The following ANGEL2 variants were observed in gnomAD, a reference collection of about 807,000 sequenced individuals.
The protein encoded by ANGEL2 is RNA 2',3'-cyclic phosphatase ANGEL2.
ANGEL2 carries 41 observed loss-of-function variants against 66.0 expected under a neutral mutation model. The ratio of observed to expected loss-of-function variants is 0.62; its 90% CI spans 0.48 to 0.81. ANGEL2 has a LOEUF of 0.81. ANGEL2 is among the 30% of genes least tolerant of loss of function. The pLI, the probability that ANGEL2 is intolerant of heterozygous loss-of-function variation, is 0.00. For synonymous variants in ANGEL2, 208 were observed against 226.5 expected (o/e 0.92, Z 0.73); for missense variants, 561 against 641.6 (o/e 0.87, Z 1.36).
intron 5 of ANGEL2, 72 bp from the exon 6 acceptor site, chr1:213,000,984 T>G (rs2076163253): frequency 6.9e-7 from 1 of 1,457,742 alleles, no homozygotes; most frequent in Admixed American, 2.3e-5. Flanking sequence ...AATTTATGTC[T>G]TAAATAAAAG....
At chr1:212,996,638 AAAATATAT>A (rs2076023150) in intron 8 of ANGEL2, among the ~76,000 whole-genome samples, 1 of 53,160 alleles carries the variant, frequency 1.9e-5, no homozygotes, top group Admixed American at 3.1e-4. Context: ...AAAAAAAAAA[AAAATATAT>A]ATATATATAT....
intron 1 of ANGEL2, among the ~76,000 whole-genome samples, chr1:213,014,513 C>T (rs1434810640): frequency 6.6e-6 from 1 of 152,236 alleles, no homozygotes; most frequent in Non-Finnish European, 1.5e-5. Context: ...TGTGATAACT[C>T]TGAAAGCCAT....
chr1:213,007,287 C>A, intron 3 of ANGEL2, 89 bp from the exon 4 acceptor site: 1 of 1,050,186 alleles, frequency 9.5e-7, no homozygotes, highest in Non-Finnish European at 1.4e-6. Flanking sequence ...TAAAAGCAGG[C>A]TTCTAAAATT....
chr1:212,997,211 A>T lies in ANGEL2; in HGVS notation c.1427T>A (p.Ile476Lys). The change falls in exon 8 of 9, where the codon ATA becomes AAA. Residue 476 changes from isoleucine (I) to lysine (K), a missense_variant. Physicochemically the swap from Ile to Lys is moderately radical, Grantham distance 102. Transcript: ENST00000366962. ...AGAGTAGAAAATATAATCCACAGTT[A>T]TGGCACTTCGGGAATGACAGGTGGT... ...EVTTCHSRSA[I>K]TVDYIFYSAE... 1 of 1,614,076 alleles carries T rather than the reference A, an allele frequency of 6.2e-7. No individual in the cohort carries two copies. The highest frequency in any genetic ancestry group is 1.1e-5 in the South Asian group (1 of 91,080).
intron 5 of ANGEL2, chr1:213,001,894 G>A (rs985110706): frequency 6.4e-6 from 1 of 157,102 alleles, no homozygotes; most frequent in African/African-American, 2.4e-5. Flanking sequence ...TCCACTTCTA[G>A]TTCTCTTGCT....
At position 213,013,481 on chromosome 1, in the gene ANGEL2, T is replaced by A. The variant is rs1044640893; in HGVS notation, c.60-63A>T. ...TTGTTCAGCTATAGTTTACAAAATC[T>A]AAGCCTGTTTCCTCAAGGGAAGGTA... is the stretch of plus-strand genomic sequence containing the variant. On this transcript the variant is annotated intron_variant, in intron 1 of 8. Coordinates refer to ENST00000366962, the MANE Select transcript of ANGEL2 (RefSeq NM_144567.5). 16 of 1,421,450 alleles carry A rather than the reference T, an allele frequency of 1.1e-5. 1 individual carries two copies. Among genetic ancestry groups the A allele is most frequent in the Non-Finnish European group, 1.5e-5 (16 of 1,041,458 alleles). The allele number at this position is 1,421,450 out of a possible 1,614,324, so 88.1% of individuals were successfully genotyped here. A position where few individuals can be genotyped will look rare whatever the true frequency, so the allele number is the denominator to read the frequency against.
intron 2 of ANGEL2, among the ~76,000 whole-genome samples, chr1:213,012,584 T>C (rs1421443218): frequency 6.6e-6 from 1 of 152,232 alleles, no homozygotes; most frequent in East Asian, 1.9e-4. Flanking sequence ...TGGACCCAAT[T>C]TGAGATATAC....
chr1:213,007,494 A>G (rs566658157), intron 3 of ANGEL2, among the ~76,000 whole-genome samples: 83 of 152,310 alleles, frequency 5.4e-4, no homozygotes, highest in Admixed American at 1.4e-3. Flanking sequence ...CGGGTTTTAC[A>G]TGTTCATTGG....
intron 7 of ANGEL2, among the ~76,000 whole-genome samples, chr1:212,997,906 AG>A (rs200554047): frequency 1.8e-4 from 27 of 151,838 alleles, no homozygotes; most frequent in Admixed American, 1.5e-3. Context: ...AAATTAAAAA[AG>A]AAACTTATCC....
rs1296629845 is a variant in ANGEL2 at position 212,993,318 on chromosome 1, A to G, written c.*1723T>C. On this transcript the variant is annotated 3_prime_UTR_variant, in exon 9 of 9. Transcript: ENST00000366962. ...CGTGAGACACCATCTAAAAAATAAA[A>G]AAATAAAAACCCCCCAAAATGAGAA... The G allele has an allele frequency of 6.6e-6, 1 of 152,186 alleles. No homozygotes were observed. The highest frequency in any genetic ancestry group is 1.5e-5 in the Non-Finnish European group (1 of 68,026). 9.4% of individuals were successfully genotyped at this position (152,186 alleles called of 1,614,324 possible). A position where few individuals can be genotyped will look rare whatever the true frequency, so the allele number is the denominator to read the frequency against.
intron 2 of ANGEL2, among the ~76,000 whole-genome samples, chr1:213,010,894 CA>C (rs532549801): frequency 2.8e-3 from 425 of 152,164 alleles, no homozygotes; most frequent in Non-Finnish European, 4.4e-3. Context: ...TTTGCAATTC[CA>C]TTTTTTAAAC....
chr1:212,995,449 C>G (rs555430009), intron 8 of ANGEL2, among the ~76,000 whole-genome samples: 1 of 152,190 alleles, frequency 6.6e-6, no homozygotes, highest in African/African-American at 2.4e-5. Flanking sequence ...AAATGAAATA[C>G]TTAAGAATGT....
intron 2 of ANGEL2, among the ~76,000 whole-genome samples, 161 bp from the exon 3 acceptor site, chr1:213,008,627 T>C (rs2076411495): frequency 6.6e-6 from 1 of 152,246 alleles, no homozygotes; most frequent in South Asian, 2.1e-4. Flanking sequence ...TTAGAACTGT[T>C]ATCAAATTGG....
At chr1:213,006,170 T>A (rs2076321189) in intron 4 of ANGEL2, among the ~76,000 whole-genome samples, 2 of 152,082 alleles carry the variant, frequency 1.3e-5, no homozygotes, top group East Asian at 3.9e-4. Context: ...AAAAAAAAAT[T>A]GCTAATGAAG....
intron 6 of ANGEL2, 83 bp from the exon 7 acceptor site, chr1:213,000,466 A>G: frequency 8.2e-7 from 1 of 1,223,034 alleles, no homozygotes; most frequent in Non-Finnish European, 1.2e-6. Context: ...ACAATATTTA[A>G]GACTTATCTA....
intron 2 of ANGEL2, among the ~76,000 whole-genome samples, chr1:213,011,942 T>C (rs1160008833): frequency 6.6e-6 from 1 of 152,168 alleles, no homozygotes; most frequent in Non-Finnish European, 1.5e-5. Context: ...TAAATACACC[T>C]TTCATTCATT....
intron 5 of ANGEL2, among the ~76,000 whole-genome samples, chr1:213,003,611 C>T (rs2076237752): frequency 6.6e-6 from 1 of 152,118 alleles, no homozygotes; most frequent in South Asian, 2.1e-4. Flanking sequence ...TATATGGGTA[C>T]AGTTCATAAC....
chr1:213,000,897 G>C lies in ANGEL2; in HGVS notation c.1150C>G (p.Gln384Glu), dbSNP rs1452204590. ...LPIGKVSGQE[Q>E]SSRGQRILSI... ...AAAATTCTTTGTCCCCGTGAAGACTGTTCCTGGCCAGATACCTAAACAAAA... is the reference window on the plus strand; with the variant it reads ...AAAATTCTTTGTCCCCGTGAAGACTCTTCCTGGCCAGATACCTAAACAAAA... The change falls in exon 6 of 9, where the codon CAG (glutamine) becomes GAG (glutamate). Residue 384 changes from glutamine (Q) to glutamate (E), a missense_variant. Gln to Glu is a conservative substitution (Grantham distance 29, BLOSUM62 2). Transcript: ENST00000366962. 1 of 1,608,306 alleles carries C rather than the reference G, an allele frequency of 6.2e-7. No individual in the cohort carries two copies. Among genetic ancestry groups the C allele is most frequent in the East Asian group, 2.2e-5 (1 of 44,784 alleles).
intron 7 of ANGEL2, among the ~76,000 whole-genome samples, chr1:212,999,496 C>G (rs2076120503): frequency 6.6e-6 from 1 of 151,998 alleles, no homozygotes; most frequent in African/African-American, 2.4e-5. Flanking sequence ...TCCATTCTTA[C>G]TAGTTCTTAT....
Sources: allele counts gnomAD v4.1 joint callset (sites outside exome capture counted in the v4.1 genomes callset), GRCh38; gene constraint gnomAD v4.1.1; transcripts MANE v1.5; gene names NCBI Gene and HGNC (gene_info 2026-07-23, HGNC 2026-07-21).